The following ZNF212 variants were observed in gnomAD, a reference collection of about 807,000 sequenced individuals.
ZNF212 encodes the protein zinc finger protein 212.
ZNF212 carries 32 observed loss-of-function variants against 47.3 expected under a neutral mutation model. The ratio of observed to expected loss-of-function variants is 0.68; its 90% CI spans 0.51 to 0.91. The LOEUF (loss-of-function observed/expected upper bound fraction) is 0.91, where lower values mean the gene tolerates loss of function less well. ZNF212 is among the 40% of genes least tolerant of loss of function. ZNF212 has a pLI of 0.00. For missense variants in ZNF212, 555 were observed against 622.8 expected (o/e 0.89, Z 1.16); for synonymous variants, 242 against 253.8 (o/e 0.95, Z 0.44).
intron 1 of ZNF212, among the ~76,000 whole-genome samples, chr7:149,249,691 G>A (rs965272071): frequency 1.4e-4 from 21 of 152,224 alleles, no homozygotes; most frequent in African/African-American, 4.1e-4. Context: ...GCACTGGCAC[G>A]ATCTTGGCTC....
Position 149,253,934 on chromosome 7 carries a change from G to A in ZNF212, c.1007G>A (p.Arg336His), listed in dbSNP as rs181061160. 1.5e-3 allele frequency: 2,365 copies of A among 1,612,306 alleles called. 6 individuals carry two copies. The highest frequency in any genetic ancestry group is 1.8e-3 in the Non-Finnish European group (2,100 of 1,179,742). ...RYKQQLATHL[R>H]SHSGWGSCTP... ...AAGCAGCAGCTGGCCACACATCTGC[G>A]CAGCCACTCTGGGTGGGGGTCTTGT... The change falls in exon 5 of 5, where the codon CGC (arginine) becomes CAC (histidine). Residue 336 changes from arginine to histidine, a missense_variant. By Grantham distance (29) the Arg-to-His change is conservative. Transcript: ENST00000335870.
At position 149,254,394 on chromosome 7, in the gene ZNF212, A is replaced by C. The variant is rs570348505; in HGVS notation, c.1467A>C (p.Gly489=). ...GGGGTGGGCTGGCCCTGGAGCCCGGAAGGCCCAATGGCCTGCTTTAAGGGT... is the reference window on the plus strand; with the variant it reads ...GGGGTGGGCTGGCCCTGGAGCCCGGCAGGCCCAATGGCCTGCTTTAAGGGT... The part of the protein sequence containing the change: ...RERGGLALEP[G]RPNGLL The change falls in exon 5 of 5, where the codon GGA becomes GGC. Residue 489 remains glycine, a synonymous_variant. Coordinates refer to ENST00000335870, the MANE Select transcript of ZNF212 (RefSeq NM_012256.4). This position sits in a 1 kb window ranked among gnomAD's most constrained non-coding sequence, Gnocchi z 4.5. The C allele has an allele frequency of 1.2e-6, 2 of 1,603,032 alleles. No homozygotes were observed. Among genetic ancestry groups the C allele is most frequent in the Non-Finnish European group, 1.7e-6 (2 of 1,179,252 alleles).
Position 149,239,716 on chromosome 7 carries a change from C to T in ZNF212, c.-63C>T. 7.8e-7 allele frequency: 1 copy of T among 1,280,388 alleles called. No individual in the cohort carries two copies. 79.3% of individuals were successfully genotyped at this position (1,280,388 alleles called of 1,614,324 possible). The stretch of plus-strand genomic sequence containing the variant: ...TTCCAACAGGCTCTGGGGCGCCGAG[C>T]GGACAGGAACGCAGCACGGGGGCTC... On this transcript the variant is annotated 5_prime_UTR_variant, in exon 1 of 5. Transcript: ENST00000335870.
chr7:149,250,565 T>C lies in ZNF212; in HGVS notation c.414+17T>C, dbSNP rs748506756. 30 of 1,605,554 alleles carry C rather than the reference T, an allele frequency of 1.9e-5. No homozygotes were observed. The highest frequency in any genetic ancestry group is 2.2e-5 in the Non-Finnish European group (26 of 1,175,680). On this transcript the variant is annotated intron_variant, in intron 2 of 4. Coordinates refer to ENST00000335870, the MANE Select transcript of ZNF212 (RefSeq NM_012256.4). ...GCCCCCAAGGTAGTCTCATTGAGGA[T>C]TAAAAGTTAGAAGAGAAGGGGGAGC...
chr7:149,254,599 G>T lies in ZNF212; in HGVS notation c.*184G>T. ...CCCTGTGGAAGAAGAGTCCAGGCCA[G>T]GTCTTCATCCTGCTGCCAAGTTTGC... On this transcript the variant is annotated 3_prime_UTR_variant, in exon 5 of 5. Coordinates refer to ENST00000335870, the MANE Select transcript of ZNF212 (RefSeq NM_012256.4). This position sits in a 1 kb window ranked among gnomAD's most constrained non-coding sequence, Gnocchi z 4.5. The T allele has an allele frequency of 1.1e-6, 1 of 892,050 alleles. No individual in the cohort carries two copies. Among genetic ancestry groups the T allele is most frequent in the South Asian group, 2.3e-5 (1 of 43,244 alleles). 55.3% of individuals were successfully genotyped at this position (892,050 alleles called of 1,614,324 possible).
chr7:149,250,322 A>G lies in ZNF212; in HGVS notation c.188A>G (p.Gln63Arg). The G allele has an allele frequency of 6.8e-6, 11 of 1,614,128 alleles. No homozygotes were observed. Among genetic ancestry groups the G allele is most frequent in the Non-Finnish European group, 9.3e-6 (11 of 1,180,022 alleles). The change falls in exon 2 of 5, where the codon CAG becomes CGG. Residue 63 changes from glutamine (Q) to arginine (R), a missense_variant. By Grantham distance (43) the Gln-to-Arg change is conservative. Coordinates refer to ENST00000335870, the MANE Select transcript of ZNF212 (RefSeq NM_012256.4). ...KKMESQAARL[Q>R]SLEGRTGTAE... ...ATGGAGTCCCAGGCTGCCCGGCTAC[A>G]GAGCCTGGAGGGGCGCACGGGGACA...
intron 3 of ZNF212, chr7:149,251,240 A>C (rs1444250440): frequency 4.7e-6 from 1 of 211,354 alleles, no homozygotes; most frequent in Non-Finnish European, 9.4e-6. Context: ...GCTGGAGTGC[A>C]GTGGCACAAT....
intron 1 of ZNF212, among the ~76,000 whole-genome samples, chr7:149,246,813 CTT>C (rs71194633): frequency 0.34 from 35,266 of 103,268 alleles, 4,541 homozygotes; most frequent in Admixed American, 0.41. Flanking sequence ...TGTCTGAATT[CTT>C]TTTTTTTTTT....
intron 1 of ZNF212, 178 bp downstream of exon 1, chr7:149,239,980 C>T (rs1334580119): frequency 2.8e-6 from 2 of 709,914 alleles, no homozygotes; most frequent in Admixed American, 8.7e-5. Context: ...TTTTTTCCCT[C>T]CGCTTCCTTC....
At chr7:149,240,380 T>TCCCCC (rs1421346392) in intron 1 of ZNF212, among the ~76,000 whole-genome samples, 1 of 124,742 alleles carries the variant, frequency 8.0e-6, no homozygotes, top group Admixed American at 7.6e-5. Flanking sequence ...ACTCTCTCCT[T>TCCCCC]CACCCCCCCC....
At chr7:149,252,665 T>A in intron 3 of ZNF212, 41 bp from the exon 4 acceptor site, 1 of 1,599,034 alleles carries the variant, frequency 6.3e-7, no homozygotes, top group Admixed American at 1.7e-5. Context: ...CAGTGAGCTT[T>A]CACTCTCTCC....
At chr7:149,252,423 G>A in intron 3 of ZNF212, among the ~76,000 whole-genome samples, 1 of 152,204 alleles carries the variant, frequency 6.6e-6, no homozygotes, top group Non-Finnish European at 1.5e-5. Context: ...AGGCAGAGGT[G>A]GGTGGTGGTG....
At chr7:149,240,984 C>G (rs1447814487) in intron 1 of ZNF212, among the ~76,000 whole-genome samples, 2 of 152,226 alleles carry the variant, frequency 1.3e-5, no homozygotes, top group Non-Finnish European at 2.9e-5. Flanking sequence ...CATCTGACTC[C>G]TATAAGCTAG....
chr7:149,239,659 C>G lies in ZNF212; in HGVS notation c.-120C>G. 1.3e-6 allele frequency: 1 copy of G among 754,850 alleles called. No individual in the cohort carries two copies. The highest frequency in any genetic ancestry group is 4.0e-5 in the East Asian group (1 of 24,710). 46.8% of individuals were successfully genotyped at this position (754,850 alleles called of 1,614,324 possible). A position where few individuals can be genotyped will look rare whatever the true frequency, so the allele number is the denominator to read the frequency against. On this transcript the variant is annotated 5_prime_UTR_variant, in exon 1 of 5. Transcript: ENST00000335870. ...GGGAGGTCGCTGCTCCCAGAATGCACCTGGCATCAACACGGCGGCGGCGGC... is the reference window on the plus strand; with the variant it reads ...GGGAGGTCGCTGCTCCCAGAATGCAGCTGGCATCAACACGGCGGCGGCGGC...
At position 149,249,629 on chromosome 7, in the gene ZNF212, CTTT is replaced by C. The variant is rs1796724634; in HGVS notation, c.25-529_25-527del. Among the ~76,000 whole-genome samples, 8 of 151,806 alleles carry C rather than the reference CTTT, an allele frequency of 5.3e-5. No individual in the cohort carries two copies. In the South Asian group the frequency reaches 1.7e-3, roughly 31 times the overall value. Reference sequence around the variant, plus strand: ...ACACCAAAATTCAAACAGCTTCTTTCTTTCTTTTTCTTTTTTGAGACAGGGTCT... The same window carrying C: ...ACACCAAAATTCAAACAGCTTCTTTCCTTTTTCTTTTTTGAGACAGGGTCT... On this transcript the variant is annotated intron_variant, in intron 1 of 4. Transcript: ENST00000335870.
intron 3 of ZNF212, among the ~76,000 whole-genome samples, chr7:149,252,024 ATTTTCTTGGTGTT>A (rs1796768155): frequency 6.6e-6 from 1 of 151,524 alleles, no homozygotes; most frequent in East Asian, 1.9e-4. Context: ...GATCAAAAGC[ATTTTCTTGGTGTT>A]TGGCCGGAAT....
At position 149,254,163 on chromosome 7, in the gene ZNF212, T is replaced by G; in HGVS notation, c.1236T>G (p.Val412=). The change falls in exon 5 of 5, where the codon GTT becomes GTG. Residue 412 remains valine (V), a synonymous_variant. Coordinates refer to ENST00000335870, the MANE Select transcript of ZNF212 (RefSeq NM_012256.4). This position sits in a 1 kb window ranked among gnomAD's most constrained non-coding sequence, Gnocchi z 4.5. ...AGAGGTTCTCACCCAACAGCCTGGT[T>G]GCCCTGCCTGGCCACATCCCTTGGA... ...VQERFSPNSL[V]ALPGHIPWRK... The G allele has an allele frequency of 6.2e-7, 1 of 1,614,258 alleles. No individual in the cohort carries two copies. Among genetic ancestry groups the G allele is most frequent in the Non-Finnish European group, 8.5e-7 (1 of 1,180,036 alleles).
chr7:149,253,417 T>C, intron 4 of ZNF212, 142 bp from the exon 5 acceptor site: 1 of 988,794 alleles, frequency 1.0e-6, no homozygotes, highest in Non-Finnish European at 1.4e-6. Context: ...TCTTGGAACC[T>C]AGCCAGTGTC....
chr7:149,250,091 C>A lies in ZNF212; in HGVS notation c.25-68C>A. 3 of 1,417,058 alleles carry A rather than the reference C, an allele frequency of 2.1e-6. No homozygotes were observed. In the Admixed American group the frequency reaches 7.4e-5, roughly 35 times the overall value. 87.8% of individuals were successfully genotyped at this position (1,417,058 alleles called of 1,614,324 possible). A position where few individuals can be genotyped will look rare whatever the true frequency, so the allele number is the denominator to read the frequency against. ...AACTAGATAACTCTGAGCACTGATA[C>A]ACTTGAACACTGCTTTCTTTACTTG... On this transcript the variant is annotated intron_variant, in intron 1 of 4. Transcript: ENST00000335870.
Sources: allele counts gnomAD v4.1 joint callset (sites outside exome capture counted in the v4.1 genomes callset), GRCh38; gene constraint gnomAD v4.1.1; non-coding constraint Gnocchi (gnomAD v3.1); transcripts MANE v1.5; gene names NCBI Gene and HGNC (gene_info 2026-07-23, HGNC 2026-07-21).